Variants in NAALADL2 observed in about 807,000 individuals in gnomAD.
NAALADL2 encodes the protein N-acetylated alpha-linked acidic dipeptidase like 2, also known as inactive N-acetylated-alpha-linked acidic dipeptidase-like protein 2.
In NAALADL2, 76 loss-of-function variants were observed where a neutral mutation model predicts 87.2. The observed-to-expected ratio is 0.87, with a 90% confidence interval of 0.72 to 1.05. NAALADL2 has a LOEUF of 1.05. Ranked by LOEUF, NAALADL2 falls within the 50% of genes least tolerant of loss-of-function variation. The probability of loss-of-function intolerance (pLI) is 0.00; values close to 1 mark genes in which losing one functional copy is unlikely to be tolerated. For missense variants in NAALADL2, 1,089 were observed against 945.8 expected, an observed-to-expected ratio of 1.15 and a Z score of -1.99; for synonymous variants, 354 against 331.0, an observed-to-expected ratio of 1.07 and a Z score of -0.75.
intron 1 of NAALADL2, among the ~76,000 whole-genome samples, chr3:175,011,547 T>A (rs1263447202): frequency 1.3e-5 from 2 of 152,180 alleles, no homozygotes; most frequent in Non-Finnish European, 2.9e-5. Flanking sequence ...TGTTCAAGTT[T>A]GTAGCTCCAG....
intron 1 of NAALADL2, among the ~76,000 whole-genome samples, chr3:175,050,781 G>A (rs776186517): frequency 4.3e-4 from 65 of 152,238 alleles, no homozygotes; most frequent in Middle Eastern, 3.4e-3. Context: ...ATTTTATTAT[G>A]ACCACATCTA....
Position 175,207,313 on chromosome 3 carries a change from AAT to A in NAALADL2, c.546-26616_546-26615del, listed in dbSNP as rs146236855. 3.5e-3 allele frequency among the ~76,000 whole-genome samples: 532 copies of A among 152,170 alleles called. 5 individuals are homozygous for A. Among genetic ancestry groups the A allele is most frequent in the East Asian group, 0.03 (154 of 5,168 alleles). Reference sequence around the variant, plus strand: ...AAACCACAGGTGTGTAAAGAAATAAAATAGTGTGAATTTTTACCTTAAGATAA... The same window carrying A: ...AAACCACAGGTGTGTAAAGAAATAAAAGTGTGAATTTTTACCTTAAGATAA... On this transcript the variant is annotated intron_variant, in intron 2 of 13. Transcript: ENST00000454872.
At chr3:175,092,795 T>C (rs1313182896) in intron 1 of NAALADL2, among the ~76,000 whole-genome samples, 2 of 151,928 alleles carry the variant, frequency 1.3e-5, no homozygotes, top group Non-Finnish European at 2.9e-5. Context: ...TCTTAGTATG[T>C]TGAATTTTAA....
At chr3:174,921,045 C>T (rs1342009134) in intron 1 of NAALADL2, among the ~76,000 whole-genome samples, 1 of 152,070 alleles carries the variant, frequency 6.6e-6, no homozygotes, top group African/African-American at 2.4e-5. Flanking sequence ...TCACTGATTA[C>T]AGATCACAAT....
chr3:174,572,323 A>T (rs1715022548), intron 2 of NAALADL2, among the ~76,000 whole-genome samples: 1 of 152,178 alleles, frequency 6.6e-6, no homozygotes, highest in African/African-American at 2.4e-5. Flanking sequence ...GTTGAAAAAA[A>T]ATTGATTGCA....
chr3:175,451,423 C>T (rs1039021715), intron 6 of NAALADL2, among the ~76,000 whole-genome samples: 18 of 152,040 alleles, frequency 1.2e-4, no homozygotes, highest in African/African-American at 3.9e-4. Context: ...ATACTGACTC[C>T]ATTTCATTTT....
chr3:175,063,972 T>G (rs1030014056), intron 1 of NAALADL2, among the ~76,000 whole-genome samples: 8 of 152,180 alleles, frequency 5.3e-5, no homozygotes, highest in Admixed American at 4.6e-4. Flanking sequence ...TCTGTGACAC[T>G]GCAATAATTC....
At chr3:175,042,382 T>C (rs1168971847) in intron 1 of NAALADL2, among the ~76,000 whole-genome samples, 1 of 152,230 alleles carries the variant, frequency 6.6e-6, no homozygotes, top group African/African-American at 2.4e-5. Flanking sequence ...ATTTTGACTA[T>C]TGTGAATAGT....
intron 9 of NAALADL2, among the ~76,000 whole-genome samples, chr3:175,501,708 T>C (rs1194361917): frequency 1.3e-5 from 2 of 152,064 alleles, no homozygotes; most frequent in Non-Finnish European, 2.9e-5. Context: ...AATTAATCAC[T>C]TTGAGACAAA....
chr3:174,561,326 A>G (rs542834690), intron 2 of NAALADL2, among the ~76,000 whole-genome samples: 15 of 151,462 alleles, frequency 9.9e-5, no homozygotes, highest in African/African-American at 3.6e-4. Flanking sequence ...CAGCCCTCCG[A>G]GTAGCTGGGA....
At chr3:175,722,597 T>A (rs1416619311) in intron 11 of NAALADL2, among the ~76,000 whole-genome samples, 1 of 152,178 alleles carries the variant, frequency 6.6e-6, no homozygotes. Context: ...TAGCCTCTTT[T>A]GGTGCTGTTT....
intron 4 of NAALADL2, among the ~76,000 whole-genome samples, chr3:175,306,563 G>T (rs1431592328): frequency 3.3e-5 from 5 of 152,166 alleles, no homozygotes; most frequent in Admixed American, 1.3e-4. Context: ...TGTAATCCCA[G>T]CACTTTGGGA....
At chr3:174,954,736 C>T (rs1046652142) in intron 1 of NAALADL2, among the ~76,000 whole-genome samples, 1 of 152,004 alleles carries the variant, frequency 6.6e-6, no homozygotes, top group Non-Finnish European at 1.5e-5. Flanking sequence ...GGAGAGTAGC[C>T]TAGTCAAATG....
At position 174,729,977 on chromosome 3, in the gene NAALADL2, C is replaced by T. The variant is rs572293959; in HGVS notation, c.-114-7664C>T. On this transcript the variant is annotated intron_variant, in intron 2 of 3. Transcript: ENST00000434257. ...CAGGCTCTTGTCTAATTTTAAATGA[C>T]TCAATTGAAGCATCTGCTGGAGGTT... Among the ~76,000 whole-genome samples the T allele has an allele frequency of 6.6e-4, 101 of 151,994 alleles. 1 individual carries two copies. Among genetic ancestry groups the T allele is most frequent in the South Asian group, 1.2e-3 (6 of 4,830 alleles).
chr3:175,513,181 T>C (rs927182596), intron 9 of NAALADL2, among the ~76,000 whole-genome samples: 21 of 152,162 alleles, frequency 1.4e-4, no homozygotes, highest in African/African-American at 4.8e-4. Context: ...TAATGGAACA[T>C]GTTCATTAAA....
chr3:175,608,933 A>G (rs1454114874), intron 10 of NAALADL2, among the ~76,000 whole-genome samples: 2 of 147,698 alleles, frequency 1.4e-5, no homozygotes, highest in East Asian at 3.9e-4. Context: ...GTGTACCACT[A>G]TTCTGAGCTA....
intron 2 of NAALADL2, among the ~76,000 whole-genome samples, chr3:175,182,675 G>T (rs1261757626): frequency 6.8e-6 from 1 of 147,770 alleles, no homozygotes; most frequent in Non-Finnish European, 1.5e-5. Flanking sequence ...AGGATTACAG[G>T]GGTAAGCCAA....
intron 2 of NAALADL2, among the ~76,000 whole-genome samples, chr3:174,572,120 C>A (rs1035700904): frequency 6.6e-6 from 1 of 152,006 alleles, no homozygotes; most frequent in Non-Finnish European, 1.5e-5. Flanking sequence ...TTCTCTTCTT[C>A]TTCCTTCTTC....
intron 11 of NAALADL2, among the ~76,000 whole-genome samples, chr3:175,632,777 G>A (rs952196067): frequency 2.0e-5 from 3 of 152,094 alleles, no homozygotes; most frequent in Non-Finnish European, 4.4e-5. Context: ...CACCTAGTCA[G>A]ATACATCAAG....
Sources: gnomAD v4.1 joint callset for allele counts (sites outside exome capture counted in the v4.1 genomes callset) on GRCh38, gnomAD v4.1.1 for gene constraint, MANE v1.5 for transcripts, NCBI Gene and HGNC (gene_info 2026-07-23, HGNC 2026-07-21) for gene names.